The following FASN variants were observed in gnomAD, a reference collection of about 807,000 sequenced individuals.
FASN encodes the protein fatty acid synthase.
Under a neutral mutation model 250.0 loss-of-function variants are expected in FASN, and 50 were observed. The ratio of observed to expected loss-of-function variants is 0.20; its 90% confidence interval spans 0.16 to 0.25. The LOEUF (loss-of-function observed/expected upper bound fraction) is 0.25. Among genes scored for constraint, FASN ranks in the 10% least tolerant of loss-of-function variants. FASN has a pLI of 1.00. For synonymous variants in FASN, 1,909 were observed against 1,584.0 expected (o/e 1.21, Z -4.87); for missense variants, 3,031 against 3,498.5 (o/e 0.87, Z 3.37).
chr17:82,097,250 A>G (rs1416081874), intron 1 of FASN: 1 of 152,804 alleles, frequency 6.5e-6, no homozygotes, highest in Admixed American at 6.5e-5. Flanking sequence ...TTGCCTCCCC[A>G]TACCAACCCA....
chr17:82,097,029 G>A (rs2034316469), intron 1 of FASN, among the ~76,000 whole-genome samples: 1 of 152,216 alleles, frequency 6.6e-6, no homozygotes. Flanking sequence ...GTGGGGGCCC[G>A]CTGTCCAGGC....
At chr17:82,091,763 G>A (rs2034214331) in intron 8 of FASN, 79 bp from the exon 9 acceptor site, 1 of 1,321,918 alleles carries the variant, frequency 7.6e-7, no homozygotes, top group East Asian at 2.5e-5. Flanking sequence ...ACCTCCCCGA[G>A]ACTCTCATGT....
chr17:82,085,667 G>A lies in FASN; in HGVS notation c.3937C>T (p.Leu1313=), dbSNP rs759747902. Residue 1313 remains leucine (L), a synonymous_variant, in exon 23 of 43, where the codon CTG becomes TTG. Coordinates refer to ENST00000306749, the MANE Select transcript of FASN (RefSeq NM_004104.5). ...APSALGSADL[L]VCNCAVAALG... ...GCAGCCACAGCACAGTTGCACACCA[G>A]GAGGTCGGCGCTGCCCAGGGCGCTG... 6.3e-7 allele frequency: 1 copy of A among 1,584,284 alleles called. No individual in the cohort carries two copies. Among genetic ancestry groups the A allele is most frequent in the African/African-American group, 1.3e-5 (1 of 74,290 alleles).
At chr17:82,094,595 C>T (rs1229839433) in intron 3 of FASN, among the ~76,000 whole-genome samples, 1 of 151,742 alleles carries the variant, frequency 6.6e-6, no homozygotes, top group East Asian at 1.9e-4. Context: ...TCGAGACCAT[C>T]CTGGCAAACA....
chr17:82,093,248 T>C lies in FASN; in HGVS notation c.626A>G (p.Glu209Gly). The C allele has an allele frequency of 6.3e-7, 1 of 1,590,448 alleles. No homozygotes were observed. The highest frequency in any genetic ancestry group is 8.6e-7 in the Non-Finnish European group (1 of 1,169,420). The change falls in exon 5 of 43, where the codon GAG becomes GGG. Residue 209 changes from glutamate (E) to glycine (G), a missense_variant. Physicochemically the swap from Glu to Gly is moderately conservative, Grantham distance 98. Coordinates refer to ENST00000306749, the MANE Select transcript of FASN (RefSeq NM_004104.5). ...QFLRLGMLSP[E>G]GTCKAFDTAG... Reference sequence around the variant, plus strand: ...TGTGTCGAAGGCCTTGCAGGTGCCCTCGGGGCTGAGCATCCCCAGCCTCAA... The same window carrying C: ...TGTGTCGAAGGCCTTGCAGGTGCCCCCGGGGCTGAGCATCCCCAGCCTCAA...
chr17:82,093,667 C>A lies in FASN; in HGVS notation c.385G>T (p.Gly129Cys). 1 of 1,612,804 alleles carries A rather than the reference C, an allele frequency of 6.2e-7. No homozygotes were observed. The highest frequency in any genetic ancestry group is 8.5e-7 in the Non-Finnish European group (1 of 1,179,990). ...ALSRDPETLVGYSMVGCQRAM... is the reference protein window; with the variant it reads ...ALSRDPETLVCYSMVGCQRAM... ...CGCTGGCAGCCCACCATGCTGTAGCCCACGAGTGTCTCGGGGTCTCGGCTC... is the reference window on the plus strand; with the variant it reads ...CGCTGGCAGCCCACCATGCTGTAGCACACGAGTGTCTCGGGGTCTCGGCTC... The change falls in exon 4 of 43, where the codon GGC (glycine) becomes TGC (cysteine). Residue 129 changes from glycine to cysteine, a missense_variant. Physicochemically the swap from Gly to Cys is radical, Grantham distance 159 (BLOSUM62 -3). Transcript: ENST00000306749.
At position 82,085,802 on chromosome 17, in the gene FASN, G is replaced by A; in HGVS notation, c.3802C>T (p.Leu1268=). ...TGGCGGTCGGTGGCCGTGTAGCTCAGCTGCAGCAGGGGATGGGGGCTGAGC... is the reference window on the plus strand; with the variant it reads ...TGGCGGTCGGTGGCCGTGTAGCTCAACTGCAGCAGGGGATGGGGGCTGAGC... The part of the protein sequence containing the change: ...GLLSPHPLLQ[L]SYTATDRHPQ... The change falls in exon 23 of 43, where the codon CTG becomes TTG. Residue 1268 remains leucine (L), a synonymous_variant. Transcript: ENST00000306749. 1 of 1,562,972 alleles carries A rather than the reference G, an allele frequency of 6.4e-7. No homozygotes were observed. Among genetic ancestry groups the A allele is most frequent in the Non-Finnish European group, 8.6e-7 (1 of 1,156,140 alleles).
At chr17:82,096,004 C>T (rs929724433) in intron 2 of FASN, among the ~76,000 whole-genome samples, 2 of 152,250 alleles carry the variant, frequency 1.3e-5, no homozygotes, top group Non-Finnish European at 2.9e-5. Flanking sequence ...TTGGCTCCTC[C>T]GTAACAAGCA....
At position 82,091,742 on chromosome 17, in the gene FASN, T is replaced by TG. The variant is rs372238601; in HGVS notation, c.1030-59dup. ...CCACTCCCTCTACCACTGCCTGAGC[T>TG]GGGGGCAGGCACCTCCCCGAGACTC... is the stretch of plus-strand genomic sequence containing the variant. On this transcript the variant is annotated intron_variant, in intron 8 of 42. Transcript: ENST00000306749. The TG allele has an allele frequency of 5.2e-5, 76 of 1,451,162 alleles. 1 individual carries two copies. The Middle Eastern group carries it at 9.5e-4, about 18-fold the overall frequency. The allele number at this position is 1,451,162 out of a possible 1,614,324, so 89.9% of individuals were successfully genotyped here. A position where few individuals can be genotyped will look rare whatever the true frequency, so the allele number is the denominator to read the frequency against.
chr17:82,081,239 G>A lies in FASN; in HGVS notation c.6520C>T (p.Leu2174=). ...AGTTGCCGCACCTCGCGCACGGACA[G>A]CACCAGGTTGAGCTCACGCTCCAGC... ...QTLERELNLV[L]SVREVRQLTL... Residue 2174 remains leucine (L), a synonymous_variant, in exon 38 of 43, where the codon CTG becomes TTG. Coordinates refer to ENST00000306749, the MANE Select transcript of FASN (RefSeq NM_004104.5). 2 of 1,589,270 alleles carry A rather than the reference G, an allele frequency of 1.3e-6. No individual in the cohort carries two copies. The highest frequency in any genetic ancestry group is 2.3e-5 in the East Asian group (1 of 44,040).
At chr17:82,083,148 C>T (rs1375480301) in intron 32 of FASN, 33 bp from the exon 33 acceptor site, 2 of 1,610,746 alleles carry the variant, frequency 1.2e-6, no homozygotes, top group African/African-American at 1.3e-5. Context: ...GGCTCAGGCA[C>T]TGCCTGGGGA....
chr17:82,081,068 A>G (rs1598572770), intron 38 of FASN, 96 bp downstream of exon 38: 5 of 1,465,292 alleles, frequency 3.4e-6, no homozygotes, highest in African/African-American at 2.8e-5. Context: ...ACCCGTGACG[A>G]AGGGCGGTAT....
intron 4 of FASN, 78 bp downstream of exon 4, chr17:82,093,520 C>G (rs1298985335): frequency 1.9e-6 from 3 of 1,600,718 alleles, no homozygotes; most frequent in Non-Finnish European, 2.6e-6. Flanking sequence ...ACGGAGTGAG[C>G]CCACGCCACG....
In FASN at chr17:82,095,401, C is replaced by G; in HGVS notation, c.199G>C (p.Val67Leu). The change falls in exon 3 of 43, where the codon GTC (valine) becomes CTC (leucine). Residue 67 changes from valine to leucine, a missense_variant. Transcript: ENST00000306749. ...ATCGTGTGTGCCTGCTTGGGGTGGA[C>G]TCCGAAGAAGGAGGCATCAAACCTA... ...LSRFDASFFG[V>L]HPKQAHTMDP... The G allele has an allele frequency of 6.2e-7, 1 of 1,612,962 alleles. No homozygotes were observed. Among genetic ancestry groups the G allele is most frequent in the Non-Finnish European group, 8.5e-7 (1 of 1,180,002 alleles).
rs955172387 is a variant in FASN at position 82,084,051 on chromosome 17, G to A, written c.5022C>T (p.His1674=). 6.5e-7 allele frequency: 1 copy of A among 1,545,834 alleles called. No homozygotes were observed. Among genetic ancestry groups the A allele is most frequent in the Admixed American group, 2.0e-5 (1 of 51,050 alleles). ...RVRPGETLLI[H]SGSGGVGQAA... ...CCTGGCCCACGCCGCCCGAGCCCGA[G>A]TGGATGAGCAGCGTCTCCCCGGGGC... Residue 1674 remains histidine, a synonymous_variant, in exon 29 of 43, where the codon CAC becomes CAT. Transcript: ENST00000306749.
intron 8 of FASN, 40 bp from the exon 9 acceptor site, chr17:82,091,724 C>T (rs1289646841): frequency 1.3e-6 from 2 of 1,515,704 alleles, no homozygotes; most frequent in African/African-American, 2.7e-5. Flanking sequence ...GCCCCACTCC[C>T]TCTACCACTG....
intron 1 of FASN, 119 bp downstream of exon 1, chr17:82,098,002 T>G: frequency 3.5e-6 from 1 of 286,110 alleles, no homozygotes; most frequent in Non-Finnish European, 6.5e-6. Flanking sequence ...GACCCCTGGA[T>G]ACGGGGCCGG....
rs750551553 is a variant in FASN at position 82,089,022 on chromosome 17, G to A, written c.2251C>T (p.His751Tyr). Reference sequence around the variant, plus strand: ...AGCACCACCGCGTGCTCAGGCACGTGCCACAGGGCCTCCTGGAACAGCACA... The same window carrying A: ...AGCACCACCGCGTGCTCAGGCACGTACCACAGGGCCTCCTGGAACAGCACA... Reference protein sequence around the residue: ...SPVLFQEALWHVPEHAVVLEI... With the variant: ...SPVLFQEALWYVPEHAVVLEI... The change falls in exon 14 of 43, where the codon CAC (histidine) becomes TAC (tyrosine). Residue 751 changes from histidine (H) to tyrosine (Y), a missense_variant. By Grantham distance (83) the His-to-Tyr change is moderately conservative. Coordinates refer to ENST00000306749, the MANE Select transcript of FASN (RefSeq NM_004104.5). 2.0e-5 allele frequency: 32 copies of A among 1,608,240 alleles called. 1 individual carries two copies. The Middle Eastern group carries it at 1.2e-3, about 58-fold the overall frequency.
chr17:82,086,986 G>A (rs2034115437), intron 21 of FASN, 64 bp downstream of exon 21: 8 of 1,574,054 alleles, frequency 5.1e-6, no homozygotes, highest in Admixed American at 1.7e-5. Flanking sequence ...TGGGGTCAAC[G>A]TGAGGGGAGG....
Sources: gnomAD v4.1 joint callset for allele counts (sites outside exome capture counted in the v4.1 genomes callset) on GRCh38, gnomAD v4.1.1 for gene constraint, MANE v1.5 for transcripts, NCBI Gene and HGNC (gene_info 2026-07-23, HGNC 2026-07-21) for gene names.